CISD1: variants seen among roughly 807,000 people sequenced by gnomAD.
The protein encoded by CISD1 is CDGSH iron sulfur domain 1, also known as CDGSH iron-sulfur domain-containing protein 1.
A neutral mutation model predicts 12.0 loss-of-function variants in CISD1; 8 were observed. The ratio of observed to expected loss-of-function variants is 0.67; its 90% confidence interval spans 0.39 to 1.20. The LOEUF is 1.20. CISD1 is among the 50% of genes most tolerant of loss of function. CISD1 has a pLI of 0.01. For synonymous variants in CISD1, 38 were observed against 42.2 expected (o/e 0.90, Z 0.39); for missense variants, 107 against 132.7 (o/e 0.81, Z 0.95).
intron 1 of CISD1, among the ~76,000 whole-genome samples, chr10:58,269,836 C>A (rs73301027): frequency 0.022 from 3,317 of 152,180 alleles, 131 homozygotes; most frequent in African/African-American, 0.076. Context: ...CCTCTGGCAT[C>A]TGACACTCGG....
Position 58,272,164 on chromosome 10 carries a change from T to C in CISD1, c.31+2860T>C, listed in dbSNP as rs563324830. On this transcript the variant is annotated intron_variant, in intron 1 of 2. Transcript: ENST00000333926. ...CTCAGTGATATCTGTTGTTCGTAAA[T>C]ATTTAGTGCCTCATAAAGATTTTCT... Among the ~76,000 whole-genome samples, 66 of 151,866 alleles carry C rather than the reference T, an allele frequency of 4.3e-4. No homozygotes were observed. The South Asian group carries it at 7.5e-3, about 17-fold the overall frequency.
intron 2 of CISD1, among the ~76,000 whole-genome samples, chr10:58,284,029 A>G (rs763780619): frequency 2.2e-4 from 33 of 152,190 alleles, no homozygotes; most frequent in Non-Finnish European, 3.1e-4. Context: ...AAATTCTCAT[A>G]TTTTTGTACA....
intron 1 of CISD1, among the ~76,000 whole-genome samples, chr10:58,272,987 T>C (rs918357321): frequency 1.3e-5 from 2 of 152,154 alleles, no homozygotes; most frequent in Admixed American, 6.5e-5. Flanking sequence ...TTAGAGCTAA[T>C]TGAGGGTAAA....
chr10:58,277,432 G>A, intron 2 of CISD1, 110 bp downstream of exon 2: 3 of 797,860 alleles, frequency 3.8e-6, no homozygotes, highest in Non-Finnish European at 5.7e-6. Flanking sequence ...CTTTTTTGTT[G>A]TTGTTGAGAC....
chr10:58,279,970 TTTTG>T (rs1267965606), intron 2 of CISD1, among the ~76,000 whole-genome samples: 2 of 152,186 alleles, frequency 1.3e-5, no homozygotes, highest in Admixed American at 6.5e-5. Flanking sequence ...AGTCTCTGTT[TTTTG>T]TTTGTTTTTG....
rs986040198 is a variant in CISD1 at position 58,274,342 on chromosome 10, T to C, written c.32-2775T>C. On this transcript the variant is annotated intron_variant, in intron 1 of 2. Transcript: ENST00000333926. ...GTCATCATTTTTGTCTATCTCTGTA[T>C]AGTTTCCTTTTCCTTTAGAGTTGCC... Among the ~76,000 whole-genome samples, 8 of 152,072 alleles carry C rather than the reference T, an allele frequency of 5.3e-5. No homozygotes were observed. In the South Asian group the frequency reaches 1.0e-3, roughly 20 times the overall value.
At chr10:58,283,722 C>T (rs2590368) in intron 2 of CISD1, among the ~76,000 whole-genome samples, 51,489 of 152,096 alleles carry the variant, frequency 0.34, 10,967 homozygotes, top group African/African-American at 0.61. Flanking sequence ...AGGACCTCCA[C>T]TGTTTTTTCT....
At chr10:58,282,773 T>C (rs889444131) in intron 2 of CISD1, 2 of 152,148 alleles carry the variant, frequency 1.3e-5, no homozygotes, top group African/African-American at 4.8e-5. Context: ...ACAGCACAGA[T>C]GTGAAACTCA....
chr10:58,271,041 C>CTTT (rs752640135), intron 1 of CISD1, among the ~76,000 whole-genome samples: 16 of 112,638 alleles, frequency 1.4e-4, no homozygotes, highest in African/African-American at 4.2e-4. Flanking sequence ...GTTGCCATGA[C>CTTT]TATTTTTTTT....
chr10:58,287,435 A>C (rs1839441155), intron 2 of CISD1, 126 bp from the exon 3 acceptor site: 1 of 563,420 alleles, frequency 1.8e-6, no homozygotes, highest in Non-Finnish European at 3.1e-6. Context: ...ATGCTGTTTA[A>C]GAAAGCCTAT....
Position 58,277,137 on chromosome 10 carries a change from A to G in CISD1, c.52A>G (p.Thr18Ala), listed in dbSNP as rs144812389. The change falls in exon 2 of 3, where the codon ACC (threonine) becomes GCC (alanine). Residue 18 changes from threonine (T) to alanine (A), a missense_variant. Coordinates refer to ENST00000333926, the MANE Select transcript of CISD1 (RefSeq NM_018464.5). Reference sequence around the variant, plus strand: ...TCTAGTTGAATGGATCGCAGCAGTTACCATTGCTGCTGGGACAGCTGCAAT... The same window carrying G: ...TCTAGTTGAATGGATCGCAGCAGTTGCCATTGCTGCTGGGACAGCTGCAAT... ...SVRVEWIAAV[T>A]IAAGTAAIGY... 2 of 1,607,890 alleles carry G rather than the reference A, an allele frequency of 1.2e-6. No individual in the cohort carries two copies. The highest frequency in any genetic ancestry group is 1.3e-5 in the African/African-American group (1 of 74,744).
At chr10:58,274,149 G>GA (rs1304127229) in intron 1 of CISD1, among the ~76,000 whole-genome samples, 1 of 151,986 alleles carries the variant, frequency 6.6e-6, no homozygotes, top group Admixed American at 6.6e-5. Context: ...AAAGAAAAAA[G>GA]AAAAAAGAAT....
chr10:58,269,271 G>T lies in CISD1; in HGVS notation c.-3G>T. 1 of 1,608,672 alleles carries T rather than the reference G, an allele frequency of 6.2e-7. No individual in the cohort carries two copies. ...GTGCACACGCCTTGCAAGCGACGGCGCCATGAGTCTGACTTCCAGTTCCAG... is the reference window on the plus strand; with the variant it reads ...GTGCACACGCCTTGCAAGCGACGGCTCCATGAGTCTGACTTCCAGTTCCAG... On this transcript the variant is annotated 5_prime_UTR_variant, in exon 1 of 3. Transcript: ENST00000333926.
At chr10:58,269,358 C>G (rs907836482) in intron 1 of CISD1, 54 bp downstream of exon 1, 12 of 1,543,162 alleles carry the variant, frequency 7.8e-6, no homozygotes, top group Non-Finnish European at 8.0e-6. Context: ...GGTTGCCGCG[C>G]CCGCAGTTCG....
chr10:58,287,245 C>T (rs1230873968), intron 2 of CISD1, among the ~76,000 whole-genome samples: 1 of 152,092 alleles, frequency 6.6e-6, no homozygotes, highest in Non-Finnish European at 1.5e-5. Flanking sequence ...AATAAATGAA[C>T]TTAAACTCTT....
chr10:58,272,004 C>G (rs1564545392), intron 1 of CISD1, among the ~76,000 whole-genome samples: 1 of 152,176 alleles, frequency 6.6e-6, no homozygotes, highest in South Asian at 2.1e-4. Context: ...TCATCCTGCT[C>G]CTTGATAACT....
chr10:58,271,249 C>T (rs575505144), intron 1 of CISD1, among the ~76,000 whole-genome samples: 7 of 74 alleles, frequency 0.095, no homozygotes, highest in East Asian at 0.43. Context: ...CCGTTTTAGC[C>T]GGGATGGCTC....
chr10:58,272,666 C>T (rs1839262366), intron 1 of CISD1, among the ~76,000 whole-genome samples: 5 of 152,152 alleles, frequency 3.3e-5, no homozygotes, highest in Admixed American at 2.6e-4. Flanking sequence ...CGCCTGTAAT[C>T]TCAGCACTTT....
chr10:58,271,133 G>A (rs1451860737), intron 1 of CISD1, among the ~76,000 whole-genome samples: 8 of 147,228 alleles, frequency 5.4e-5, no homozygotes, highest in Admixed American at 4.8e-4. Context: ...TCCGCCTCCC[G>A]GGTTCATGCC....
Sources: gnomAD v4.1 joint callset for allele counts (sites outside exome capture counted in the v4.1 genomes callset) on GRCh38, gnomAD v4.1.1 for gene constraint, MANE v1.5 for transcripts, NCBI Gene and HGNC (gene_info 2026-07-23, HGNC 2026-07-21) for gene names.